YME1L1: variants seen among roughly 807,000 people sequenced by gnomAD.
YME1L1 encodes the protein YME1 like 1 ATPase, also known as ATP-dependent zinc metalloprotease YME1L1.
Under a neutral mutation model 90.4 loss-of-function variants are expected in YME1L1, and 39 were observed. The ratio of observed to expected loss-of-function variants is 0.43; its 90% CI spans 0.33 to 0.56. The LOEUF is 0.56. Among genes scored for constraint, YME1L1 ranks in the 20% least tolerant of loss-of-function variants. YME1L1 has a pLI of 0.03. For missense variants in YME1L1, 617 were observed against 868.4 expected, an observed-to-expected ratio of 0.71 and a Z score of 3.64; for synonymous variants, 284 against 287.3, an observed-to-expected ratio of 0.99 and a Z score of 0.12.
chr10:27,124,041 G>C (rs1288157389), intron 9 of YME1L1, among the ~76,000 whole-genome samples: 1 of 152,154 alleles, frequency 6.6e-6, no homozygotes, highest in Non-Finnish European at 1.5e-5. Flanking sequence ...AATGTAATTA[G>C]TGAATCCTGA....
At chr10:27,144,559 A>T (rs1171681026) in intron 3 of YME1L1, among the ~76,000 whole-genome samples, 1 of 152,192 alleles carries the variant, frequency 6.6e-6, no homozygotes. Flanking sequence ...CCCACTTATT[A>T]TACTACCATA....
chr10:27,126,927 C>CA, intron 8 of YME1L1, 141 bp from the exon 9 acceptor site: 1 of 572,626 alleles, frequency 1.7e-6, no homozygotes, highest in East Asian at 3.4e-5. Flanking sequence ...AAAAAGCATA[C>CA]AAAAATGGCC....
chr10:27,123,126 G>A (rs1229005027), intron 10 of YME1L1, among the ~76,000 whole-genome samples, 153 bp from the exon 11 acceptor site: 1 of 152,074 alleles, frequency 6.6e-6, no homozygotes, highest in African/African-American at 2.4e-5. Context: ...CTTAAAAATA[G>A]TATCTTCAGG....
At chr10:27,144,094 C>T (rs2057118138) in intron 3 of YME1L1, among the ~76,000 whole-genome samples, 1 of 152,194 alleles carries the variant, frequency 6.6e-6, no homozygotes. Context: ...AAAATCTCTT[C>T]CTAATACCTC....
chr10:27,120,980 G>A (rs11015545), intron 12 of YME1L1, among the ~76,000 whole-genome samples: 1 of 144,448 alleles, frequency 6.9e-6, no homozygotes, highest in African/African-American at 2.6e-5. Context: ...TTTAAACCTA[G>A]TTATAATACT....
intron 2 of YME1L1, chr10:27,147,016 T>C: frequency 4.6e-6 from 1 of 215,160 alleles, no homozygotes. Context: ...TTAAAAATGA[T>C]CAAGGCGGCT....
chr10:27,138,697 T>C (rs1250358580), intron 4 of YME1L1, among the ~76,000 whole-genome samples: 1 of 152,156 alleles, frequency 6.6e-6, no homozygotes, highest in African/African-American at 2.4e-5. Context: ...TTTGGATGAT[T>C]TTCTTGAATT....
At chr10:27,146,920 T>C (rs2057150446) in intron 2 of YME1L1, 1 of 161,402 alleles carries the variant, frequency 6.2e-6, no homozygotes, top group South Asian at 1.6e-4. Flanking sequence ...CTCATCTACG[T>C]ATCCTAGCAT....
At chr10:27,127,280 TTAAA>T (rs1251129325) in intron 8 of YME1L1, among the ~76,000 whole-genome samples, 2 of 152,210 alleles carry the variant, frequency 1.3e-5, no homozygotes, top group Non-Finnish European at 2.9e-5. Context: ...GTTATTCTGA[TTAAA>T]TAATTAAAAA....
intron 3 of YME1L1, among the ~76,000 whole-genome samples, chr10:27,143,993 C>G (rs1343550753): frequency 6.6e-6 from 1 of 152,146 alleles, no homozygotes; most frequent in Non-Finnish European, 1.5e-5. Context: ...TCATCAGCAG[C>G]AACAGCAGAA....
chr10:27,124,717 AAAGAGG>A (rs1350126074), intron 9 of YME1L1, among the ~76,000 whole-genome samples: 2 of 152,212 alleles, frequency 1.3e-5, no homozygotes, highest in Non-Finnish European at 2.9e-5. Context: ...TTGTGATTAG[AAAGAGG>A]AAGAGTGTAA....
intron 13 of YME1L1, 132 bp from the exon 14 acceptor site, chr10:27,119,581 G>A: frequency 2.1e-6 from 2 of 934,810 alleles, no homozygotes; most frequent in Non-Finnish European, 3.0e-6. Flanking sequence ...GGCTGGGGCA[G>A]GCAGATCACC....
chr10:27,137,150 A>C (rs1204457005), intron 4 of YME1L1, among the ~76,000 whole-genome samples: 1 of 152,206 alleles, frequency 6.6e-6, no homozygotes, highest in East Asian at 1.9e-4. Context: ...AGTGTCTTCT[A>C]ATTTCTCAAG....
At chr10:27,119,491 G>A (rs925489243) in intron 13 of YME1L1, 42 bp from the exon 14 acceptor site, 3 of 1,561,644 alleles carry the variant, frequency 1.9e-6, no homozygotes, top group East Asian at 2.3e-5. Context: ...GTCTAAAACA[G>A]GTAAAAGAAA....
intron 8 of YME1L1, among the ~76,000 whole-genome samples, chr10:27,130,720 G>A (rs2056967154): frequency 6.6e-6 from 1 of 152,212 alleles, no homozygotes; most frequent in Non-Finnish European, 1.5e-5. Flanking sequence ...GGGCGTGGTG[G>A]CTCGTGCCTG....
Position 27,116,233 on chromosome 10 carries a change from T to C in YME1L1, c.1832A>G (p.Asp611Gly). The C allele has an allele frequency of 6.2e-7, 1 of 1,614,182 alleles. No individual in the cohort carries two copies. The highest frequency in any genetic ancestry group is 8.5e-7 in the Non-Finnish European group (1 of 1,180,044). Residue 611 changes from aspartate to glycine, a missense_variant, in exon 16 of 19, where the codon GAC becomes GGC. This residue lies in a region of YME1L1 where 212 missense variants were observed against 330.0 expected (regional missense o/e 0.64). Coordinates refer to ENST00000376016, the MANE Select transcript of YME1L1 (RefSeq NM_014263.4). ...TTAAAGCTAACCTGTTGTAATATGGTCGGTTCCAAATATAAGCTCCTCTGC... is the reference window on the plus strand; with the variant it reads ...TTAAAGCTAACCTGTTGTAATATGGCCGGTTCCAAATATAAGCTCCTCTGC... ...RVAEELIFGTDHITTGASSDF... is the reference protein window; with the variant it reads ...RVAEELIFGTGHITTGASSDF...
intron 12 of YME1L1, 127 bp from the exon 13 acceptor site, chr10:27,120,674 T>C: frequency 3.2e-6 from 2 of 629,344 alleles, no homozygotes; most frequent in Non-Finnish European, 5.4e-6. Context: ...GTTTTGTACA[T>C]AAATATTCAG....
At chr10:27,149,785 A>T (rs868265768) in intron 1 of YME1L1, among the ~76,000 whole-genome samples, 1 of 146,780 alleles carries the variant, frequency 6.8e-6, no homozygotes, top group East Asian at 2.0e-4. Context: ...AAAAAAAAAT[A>T]GTAAGTAGGC....
intron 1 of YME1L1, among the ~76,000 whole-genome samples, chr10:27,149,872 G>A (rs540477262): frequency 6.6e-6 from 1 of 151,094 alleles, no homozygotes; most frequent in African/African-American, 2.4e-5. Flanking sequence ...TCAGGAGTTC[G>A]AGACCAGCCT....
Sources: allele counts gnomAD v4.1 joint callset (sites outside exome capture counted in the v4.1 genomes callset), GRCh38; gene constraint gnomAD v4.1.1; regional missense constraint gnomAD v4.1.1; transcripts MANE v1.5; gene names NCBI Gene and HGNC (gene_info 2026-07-23, HGNC 2026-07-21).